The following PRKD2 variants were observed in gnomAD, a reference collection of about 807,000 sequenced individuals.
PRKD2 encodes serine/threonine-protein kinase D2.
Under a neutral mutation model 86.0 loss-of-function variants are expected in PRKD2, and 22 were observed. The observed-to-expected ratio is 0.26, with a 90% CI of 0.18 to 0.37. The LOEUF is 0.37. Ranked by LOEUF, PRKD2 falls within the 10% of genes least tolerant of loss-of-function variation. The pLI, the probability that PRKD2 is intolerant of heterozygous loss-of-function variation, is 1.00. For synonymous variants in PRKD2, 509 were observed against 510.9 expected, an observed-to-expected ratio of 1.00 and a Z score of 0.05; for missense variants, 818 against 1,199.2, an observed-to-expected ratio of 0.68 and a Z score of 4.70.
rs1430801513 is a variant in PRKD2 at position 46,714,991 on chromosome 19, C to A, written c.241-990G>T. Among the ~76,000 whole-genome samples the A allele has an allele frequency of 2.0e-5, 3 of 152,294 alleles. No homozygotes were observed. In the East Asian group the frequency reaches 5.8e-4, roughly 29 times the overall value. On this transcript the variant is annotated intron_variant, in intron 1 of 17. Coordinates refer to ENST00000291281, the MANE Select transcript of PRKD2 (RefSeq NM_016457.5). Reference sequence around the variant, plus strand: ...GTAGAATGGGGGAGCTGGCCCAGTTCCCCACGTTTCTCTGATGCCCAAAGG... The same window carrying A: ...GTAGAATGGGGGAGCTGGCCCAGTTACCCACGTTTCTCTGATGCCCAAAGG...
At chr19:46,715,135 T>A (rs991074238) in intron 1 of PRKD2, among the ~76,000 whole-genome samples, 2 of 151,950 alleles carry the variant, frequency 1.3e-5, no homozygotes, top group Non-Finnish European at 2.9e-5. Context: ...CATTTTAGGA[T>A]TTCAATAACC....
chr19:46,687,614 G>T lies in PRKD2; in HGVS notation c.1971+1923C>A, dbSNP rs527359941. Among the ~76,000 whole-genome samples the T allele has an allele frequency of 3.3e-5, 5 of 152,276 alleles. 1 individual carries two copies. The South Asian group carries it at 1.0e-3, about 32-fold the overall frequency. On this transcript the variant is annotated intron_variant, in intron 14 of 17. Coordinates refer to ENST00000291281, the MANE Select transcript of PRKD2 (RefSeq NM_016457.5). Reference sequence around the variant, plus strand: ...GCACAGGTTACTATGAAGATTAAATGAGTTTGAAGAGTGCTTGGCACATAG... The same window carrying T: ...GCACAGGTTACTATGAAGATTAAATTAGTTTGAAGAGTGCTTGGCACATAG...
chr19:46,682,701 A>ATTTT (rs71177241), intron 14 of PRKD2, among the ~76,000 whole-genome samples: 2 of 102,872 alleles, frequency 1.9e-5, no homozygotes, highest in Non-Finnish European at 2.0e-5. Flanking sequence ...ATGTGATTCT[A>ATTTT]TTTTTTTTTT....
intron 7 of PRKD2, 56 bp downstream of exon 7, chr19:46,700,743 G>T: frequency 6.4e-7 from 1 of 1,562,672 alleles, no homozygotes; most frequent in South Asian, 1.2e-5. Flanking sequence ...AAGAAATTGA[G>T]GTTCACTGTG....
chr19:46,714,330 C>CT, intron 1 of PRKD2: 9 of 1,085,142 alleles, frequency 8.3e-6, no homozygotes, highest in Non-Finnish European at 9.0e-6. Flanking sequence ...TGAACACTCC[C>CT]TCCCCTGTGC....
In PRKD2 at chr19:46,714,076, C is replaced by CCAG. The variant is rs1354595323; in HGVS notation, c.241-78_241-76dup. On this transcript the variant is annotated intron_variant, in intron 1 of 17. Transcript: ENST00000291281. ...CAGCAGCGGGCGGACTGTGACCCTC[C>CCAG]CAGGGCAGGGCCGGCTGTTTCCCCC... 6 of 1,550,046 alleles carry CCAG rather than the reference C, an allele frequency of 3.9e-6. No individual in the cohort carries two copies. The African/African-American group carries it at 8.1e-5, about 21-fold the overall frequency.
At chr19:46,705,902 G>A (rs117579506) in intron 3 of PRKD2, among the ~76,000 whole-genome samples, 25,812 of 152,074 alleles carry the variant, frequency 0.17, 2,717 homozygotes, top group Non-Finnish European at 0.24. Context: ...CTGTACCCCC[G>A]GCTGAAGCAC....
At chr19:46,710,861 T>C in intron 3 of PRKD2, 46 bp downstream of exon 3, 1 of 1,514,428 alleles carries the variant, frequency 6.6e-7, no homozygotes, top group Non-Finnish European at 8.9e-7. Flanking sequence ...CCGCCCCCGG[T>C]GCAGAGCCCC....
intron 5 of PRKD2, among the ~76,000 whole-genome samples, chr19:46,701,523 T>C (rs951850235): frequency 1.3e-5 from 2 of 151,564 alleles, no homozygotes; most frequent in Non-Finnish European, 2.9e-5. Context: ...GCTGATTTTT[T>C]TGTGTTTTTA....
At chr19:46,700,751 G>C (rs1409277325) in intron 7 of PRKD2, 48 bp downstream of exon 7, 4 of 1,589,892 alleles carry the variant, frequency 2.5e-6, no homozygotes, top group Non-Finnish European at 3.4e-6. Flanking sequence ...GAGGTTCACT[G>C]TGCAGGAGGG....
chr19:46,675,536 C>T (rs750308074), intron 16 of PRKD2, among the ~76,000 whole-genome samples: 6 of 152,266 alleles, frequency 3.9e-5, no homozygotes, highest in Non-Finnish European at 5.9e-5. Context: ...CTCCGCCTCC[C>T]GGGTTCATGT....
rs544619200 is a variant in PRKD2, at chr19:46,707,783, G to A, written c.511+3124C>T. 2.6e-5 allele frequency among the ~76,000 whole-genome samples: 4 copies of A among 152,144 alleles called. 1 individual carries two copies. The highest frequency in any genetic ancestry group is 9.6e-5 in the African/African-American group (4 of 41,510). ...GATCTTGACACTTGGGCTGAACCTT[G>A]AGACATCTTGGCTTAAAGAACTGTA... is the stretch of plus-strand genomic sequence containing the variant. On this transcript the variant is annotated intron_variant, in intron 3 of 17. Coordinates refer to ENST00000291281, the MANE Select transcript of PRKD2 (RefSeq NM_016457.5).
rs747563728 is a variant in PRKD2, at chr19:46,675,161, G to T, written c.2339-43C>A. ...ACAGGTCAAGCCCTACAGGTCAAGG[G>T]TCACTCCTCCTCCAATAGGCACCCC... On this transcript the variant is annotated intron_variant, in intron 16 of 17. Transcript: ENST00000291281. The T allele has an allele frequency of 7.8e-6, 12 of 1,544,588 alleles. No homozygotes were observed. In the African/African-American group the frequency reaches 1.6e-4, roughly 21 times the overall value.
intron 5 of PRKD2, among the ~76,000 whole-genome samples, chr19:46,701,407 G>A (rs935566209): frequency 3.3e-5 from 5 of 151,730 alleles, no homozygotes; most frequent in Admixed American, 1.3e-4. Flanking sequence ...GATCATTTGA[G>A]GTCAGGAGTT....
Position 46,710,807 on chromosome 19 carries a change from C to T in PRKD2, c.511+100G>A, listed in dbSNP as rs531071215. The T allele has an allele frequency of 5.9e-5, 76 of 1,298,312 alleles. No homozygotes were observed. In the African/African-American group the frequency reaches 8.2e-4, roughly 14 times the overall value. 80.4% of individuals were successfully genotyped at this position (1,298,312 alleles called of 1,614,324 possible). On this transcript the variant is annotated intron_variant, in intron 3 of 17. Coordinates refer to ENST00000291281, the MANE Select transcript of PRKD2 (RefSeq NM_016457.5). Reference sequence around the variant, plus strand: ...AGGCTGCGCCCCCAGCTCTGAGACCCGCTCCTCCTCCCCACGCTGTCCCCG... The same window carrying T: ...AGGCTGCGCCCCCAGCTCTGAGACCTGCTCCTCCTCCCCACGCTGTCCCCG...
At chr19:46,710,812 C>A in intron 3 of PRKD2, 95 bp downstream of exon 3, 1 of 1,327,400 alleles carries the variant, frequency 7.5e-7, no homozygotes, top group Non-Finnish European at 1.0e-6. Flanking sequence ...AGACCCGCTC[C>A]TCCTCCCCAC....
Position 46,690,660 on chromosome 19 carries a change from G to A in PRKD2, c.1749C>T (p.Asp583=). 4 of 1,614,176 alleles carry A rather than the reference G, an allele frequency of 2.5e-6. No homozygotes were observed. The highest frequency in any genetic ancestry group is 3.4e-6 in the Non-Finnish European group (4 of 1,180,022). ...TGRDVAVKVI[D]KLRFPTKQES... is the part of the protein sequence containing the mutation. ...CCTGCTTGGTAGGGAAGCGCAGTTT[G>A]TCAATGACCTTAACTGCCACGTCCC... Residue 583 remains aspartate, a synonymous_variant, in exon 13 of 18, where the codon GAC becomes GAT. Transcript: ENST00000291281.
chr19:46,683,158 T>G (rs1019116324), intron 14 of PRKD2, among the ~76,000 whole-genome samples: 6 of 134,694 alleles, frequency 4.5e-5, no homozygotes, highest in African/African-American at 1.7e-4. Flanking sequence ...CATGTCGGGC[T>G]TTGATTCCTT....
chr19:46,680,455 A>G (rs1316006669), intron 15 of PRKD2, among the ~76,000 whole-genome samples: 4 of 151,494 alleles, frequency 2.6e-5, no homozygotes, highest in African/African-American at 9.7e-5. Context: ...TGCCCAGCTA[A>G]TTTTTGTATT....
Sources: allele counts gnomAD v4.1 joint callset (sites outside exome capture counted in the v4.1 genomes callset), GRCh38; gene constraint gnomAD v4.1.1; transcripts MANE v1.5; gene names NCBI Gene and HGNC (gene_info 2026-07-23, HGNC 2026-07-21).